The following DPF3 variants were observed in gnomAD, a reference collection of about 807,000 sequenced individuals.
DPF3 encodes the protein double PHD fingers 3.
DPF3 carries 18 observed loss-of-function variants against 56.8 expected under a neutral mutation model. That is an observed-to-expected ratio of 0.32 (90% CI 0.22 to 0.47). DPF3 has a LOEUF of 0.47. Among genes scored for constraint, DPF3 ranks in the 20% least tolerant of loss-of-function variants. The pLI is 1.00. For missense variants in DPF3, 403 were observed against 488.8 expected (o/e 0.82, Z 1.65); for synonymous variants, 188 against 180.2 (o/e 1.04, Z -0.35).
At chr14:72,680,587 C>T (rs192934253) in intron 7 of DPF3, among the ~76,000 whole-genome samples, 6 of 152,382 alleles carry the variant, frequency 3.9e-5, no homozygotes, top group Non-Finnish European at 7.3e-5. Context: ...AAGGGGACTA[C>T]GCTGGAGCGG....
At chr14:72,675,199 C>T (rs1886857290) in intron 7 of DPF3, among the ~76,000 whole-genome samples, 1 of 152,234 alleles carries the variant, frequency 6.6e-6, no homozygotes, top group African/African-American at 2.4e-5. Flanking sequence ...TAGGACATGA[C>T]TTTGAAAACA....
At chr14:72,728,403 C>T (rs182493166) in intron 4 of DPF3, among the ~76,000 whole-genome samples, 49 of 152,080 alleles carry the variant, frequency 3.2e-4, no homozygotes, top group African/African-American at 9.4e-4. Flanking sequence ...AAGGGCACAG[C>T]GGGACCAATG....
intron 1 of DPF3, among the ~76,000 whole-genome samples, chr14:72,826,168 A>C (rs1328219877): frequency 6.6e-6 from 1 of 152,220 alleles, no homozygotes; most frequent in Admixed American, 6.5e-5. Flanking sequence ...AGCATGTCAG[A>C]TAATAAACCA....
chr14:72,629,185 G>A (rs1000459515), intron 9 of DPF3, among the ~76,000 whole-genome samples: 1 of 152,172 alleles, frequency 6.6e-6, no homozygotes. Flanking sequence ...GTAGTTACAG[G>A]TAAAAATGAT....
At chr14:72,643,326 C>T (rs1195408260) in intron 8 of DPF3, among the ~76,000 whole-genome samples, 2 of 152,240 alleles carry the variant, frequency 1.3e-5, no homozygotes, top group Non-Finnish European at 2.9e-5. Context: ...CTAGCTGTCC[C>T]CTCAGGCCCC....
At chr14:72,669,144 G>C (rs747470240) in intron 8 of DPF3, among the ~76,000 whole-genome samples, 1 of 152,198 alleles carries the variant, frequency 6.6e-6, no homozygotes, top group African/African-American at 2.4e-5. Flanking sequence ...TCTGTCTCAG[G>C]CTACCAGGAA....
At position 72,661,523 on chromosome 14, in the gene DPF3, T is replaced by C. The variant is rs1002592712; in HGVS notation, c.871+12717A>G. 7.1e-6 allele frequency: 7 copies of C among 985,382 alleles called. No individual in the cohort carries two copies. In the African/African-American group the frequency reaches 1.2e-4, roughly 17 times the overall value. 61.0% of individuals were successfully genotyped at this position (985,382 alleles called of 1,614,324 possible). On this transcript the variant is annotated intron_variant, in intron 8 of 10. Coordinates refer to ENST00000556509, the MANE Select transcript of DPF3 (RefSeq NM_001280542.3). ...TGAAAGCCCAGTGCAGTGGGGAGCC[T>C]GCGGGTAGAACCCAGTGGCTCAGCC...
At chr14:72,854,861 G>A (rs1723492479) in intron 1 of DPF3, among the ~76,000 whole-genome samples, 2 of 152,190 alleles carry the variant, frequency 1.3e-5, no homozygotes, top group African/African-American at 4.8e-5. Flanking sequence ...ACCAGAGGGA[G>A]CCCAAATTTG....
At chr14:72,838,643 G>T (rs138900050) in intron 1 of DPF3, among the ~76,000 whole-genome samples, 168 of 152,100 alleles carry the variant, frequency 1.1e-3, no homozygotes, top group Middle Eastern at 0.01. Context: ...TGTAATCCCA[G>T]CTACTCGGGA....
At chr14:72,796,587 T>C (rs527792631) in intron 1 of DPF3, among the ~76,000 whole-genome samples, 4 of 152,322 alleles carry the variant, frequency 2.6e-5, no homozygotes, top group African/African-American at 9.6e-5. Flanking sequence ...GTAAAACCTT[T>C]GGCATGTTGG....
intron 3 of DPF3, among the ~76,000 whole-genome samples, chr14:72,734,305 G>T (rs183488151): frequency 6.6e-6 from 1 of 152,338 alleles, no homozygotes; most frequent in Non-Finnish European, 1.5e-5. Flanking sequence ...GTCAGGGAAG[G>T]CCTGTATGAT....
At chr14:72,813,703 G>C (rs1883163229) in intron 1 of DPF3, among the ~76,000 whole-genome samples, 1 of 152,236 alleles carries the variant, frequency 6.6e-6, no homozygotes, top group Non-Finnish European at 1.5e-5. Flanking sequence ...GCTGACCCCA[G>C]GCAGGGCACT....
In DPF3 at chr14:72,721,057, C is replaced by A. The variant is rs182981827; in HGVS notation, c.525+2576G>T. Among the ~76,000 whole-genome samples, 283 of 152,216 alleles carry A rather than the reference C, an allele frequency of 1.9e-3. 5 individuals are homozygous for A. Among genetic ancestry groups the A allele is most frequent in the Non-Finnish European group, 6.5e-4 (44 of 67,994 alleles). On this transcript the variant is annotated intron_variant, in intron 5 of 10. Coordinates refer to ENST00000556509, the MANE Select transcript of DPF3 (RefSeq NM_001280542.3). ...TTTATTTTATATTTACAGCACATTT[C>A]CATTAGGACTAGACACATTTTGAGG...
intron 8 of DPF3, among the ~76,000 whole-genome samples, chr14:72,651,281 A>G (rs1885900379): frequency 1.3e-5 from 2 of 152,212 alleles, no homozygotes; most frequent in African/African-American, 4.8e-5. Flanking sequence ...ACAGCAAACA[A>G]GAGCCCCTGG....
intron 2 of DPF3, among the ~76,000 whole-genome samples, chr14:72,764,980 T>C (rs1891215435): frequency 6.6e-6 from 1 of 152,184 alleles, no homozygotes; most frequent in Admixed American, 6.5e-5. Context: ...AGTGTCAAAG[T>C]TGAGTTAAAC....
intron 1 of DPF3, among the ~76,000 whole-genome samples, chr14:72,828,384 T>C (rs1021911477): frequency 6.6e-6 from 1 of 151,678 alleles, no homozygotes; most frequent in African/African-American, 2.4e-5. Context: ...CATTAAAAGA[T>C]TATCATGGGC....
chr14:72,724,635 A>G (rs567954657), intron 4 of DPF3, among the ~76,000 whole-genome samples: 73 of 151,712 alleles, frequency 4.8e-4, no homozygotes, highest in African/African-American at 1.6e-3. Context: ...CAGCCCCACA[A>G]TGGGAGTAGG....
chr14:72,641,224 C>T (rs536729869), intron 8 of DPF3, among the ~76,000 whole-genome samples: 1 of 152,312 alleles, frequency 6.6e-6, no homozygotes, highest in Admixed American at 6.5e-5. Context: ...GCTTCAGCAG[C>T]GCAGAGAGAA....
At chr14:72,734,608 T>C (rs1889811452) in intron 3 of DPF3, among the ~76,000 whole-genome samples, 2 of 152,138 alleles carry the variant, frequency 1.3e-5, no homozygotes, top group Non-Finnish European at 2.9e-5. Flanking sequence ...ATAAATCCTA[T>C]TTATTAGTGT....
Sources: allele counts gnomAD v4.1 joint callset (sites outside exome capture counted in the v4.1 genomes callset), GRCh38; gene constraint gnomAD v4.1.1; transcripts MANE v1.5; gene names NCBI Gene and HGNC (gene_info 2026-07-23, HGNC 2026-07-21).